Variants in GAK observed in about 807,000 individuals in gnomAD.
The protein encoded by GAK is cyclin-G-associated kinase.
GAK carries 79 observed loss-of-function variants against 143.9 expected under a neutral mutation model. That is an observed-to-expected ratio of 0.55 (90% CI 0.46 to 0.66). The LOEUF (loss-of-function observed/expected upper bound fraction) is 0.66, where lower values mean the gene tolerates loss of function less well. Among genes scored for constraint, GAK ranks in the 30% least tolerant of loss-of-function variants. The pLI, the probability that GAK is intolerant of heterozygous loss-of-function variation, is 0.00. For missense variants in GAK, 1,693 were observed against 1,779.7 expected, an observed-to-expected ratio of 0.95 and a Z score of 0.88; for synonymous variants, 881 against 765.5, an observed-to-expected ratio of 1.15 and a Z score of -2.49.
chr4:883,553 G>A, intron 12 of GAK, 90 bp from the exon 13 acceptor site: 1 of 1,462,458 alleles, frequency 6.8e-7, no homozygotes, highest in South Asian at 1.2e-5. Context: ...GACGCCCCCG[G>A]GCAAGCGCAG....
chr4:856,647 C>T (rs568701331), intron 24 of GAK, among the ~76,000 whole-genome samples: 1 of 150,420 alleles, frequency 6.6e-6, no homozygotes, highest in Non-Finnish European at 1.5e-5. Flanking sequence ...GCTGCTCACA[C>T]CTGCTCACCA....
At chr4:893,584 C>A in intron 8 of GAK, 95 bp from the exon 9 acceptor site, 1 of 841,958 alleles carries the variant, frequency 1.2e-6, no homozygotes, top group Non-Finnish European at 1.7e-6. Context: ...AGAGGCCACT[C>A]CCTCTACACA....
intron 18 of GAK, among the ~76,000 whole-genome samples, chr4:874,771 G>GT (rs1390112812): frequency 2.0e-5 from 3 of 151,996 alleles, no homozygotes; most frequent in Admixed American, 2.0e-4. Context: ...GATTTTTCAA[G>GT]TATTATTTCT....
chr4:893,351 T>A, intron 9 of GAK, 26 bp downstream of exon 9: 2 of 1,449,250 alleles, frequency 1.4e-6, no homozygotes, highest in Admixed American at 2.2e-5. Flanking sequence ...TGCGGGGGAT[T>A]TGGGGCTCAC....
intron 7 of GAK, among the ~76,000 whole-genome samples, chr4:895,910 G>A (rs986120148): frequency 2.0e-5 from 3 of 152,216 alleles, no homozygotes; most frequent in African/African-American, 7.2e-5. Flanking sequence ...GGGAGCCTCA[G>A]GCAGACCCAG....
rs142203802 is a variant in GAK, at chr4:890,731, CT to C, written c.991-110del. 2.7e-3 allele frequency: 2,208 copies of C among 832,688 alleles called. 30 individuals carry two copies. The African/African-American group carries it at 0.033, about 13-fold the overall frequency. The allele number at this position is 832,688 out of a possible 1,614,324, so 51.6% of individuals were successfully genotyped here. Reference sequence around the variant, plus strand: ...CCCTCAGAGCCCATCCTTCTGCCCCCTGATCTATGACACAGTGCAAGGGAGG... The same window carrying C: ...CCCTCAGAGCCCATCCTTCTGCCCCCGATCTATGACACAGTGCAAGGGAGG... On this transcript the variant is annotated intron_variant, in intron 9 of 27. Coordinates refer to ENST00000314167, the MANE Select transcript of GAK (RefSeq NM_005255.4).
At chr4:921,513 G>C (rs557790124) in intron 1 of GAK, among the ~76,000 whole-genome samples, 1 of 152,086 alleles carries the variant, frequency 6.6e-6, no homozygotes, top group African/African-American at 2.4e-5. Context: ...AAATAAACAC[G>C]GACATAAATC....
intron 24 of GAK, among the ~76,000 whole-genome samples, chr4:857,852 G>A (rs562786627): frequency 1.0e-3 from 152 of 152,258 alleles, no homozygotes; most frequent in Non-Finnish European, 2.0e-3. Flanking sequence ...TCAGGTTACT[G>A]CTGGGGCATT....
At chr4:859,284 A>G in intron 24 of GAK, 1 of 1,275,512 alleles carries the variant, frequency 7.8e-7, no homozygotes, top group Non-Finnish European at 1.0e-6. Context: ...AGCAGAGCCC[A>G]GCTACACCCC....
Position 901,763 on chromosome 4 carries a change from C to T in GAK, c.525+2874G>A, listed in dbSNP as rs566736665. 3.7e-4 allele frequency among the ~76,000 whole-genome samples: 56 copies of T among 152,288 alleles called. No homozygotes were observed. In the South Asian group the frequency reaches 0.01, roughly 28 times the overall value. ...CTCGTCCCCTTGGCCTGGGCAGTGG[C>T]GGGGAGCCAAGGACAGCACAGGGCA... On this transcript the variant is annotated intron_variant, in intron 5 of 27. Coordinates refer to ENST00000314167, the MANE Select transcript of GAK (RefSeq NM_005255.4).
At chr4:870,614 G>T (rs1392941806) in intron 19 of GAK, 97 bp downstream of exon 19, 2 of 1,305,052 alleles carry the variant, frequency 1.5e-6, no homozygotes. Flanking sequence ...AGCAGCAGGC[G>T]TGGGGCCCAG....
chr4:901,270 C>T (rs997457332), intron 5 of GAK, among the ~76,000 whole-genome samples: 5 of 152,324 alleles, frequency 3.3e-5, no homozygotes, highest in African/African-American at 1.2e-4. Context: ...CCAGGGCACA[C>T]AGGGAGAGCC....
At chr4:906,363 C>T (rs112823195) in intron 4 of GAK, among the ~76,000 whole-genome samples, 15 of 152,324 alleles carry the variant, frequency 9.8e-5, no homozygotes, top group African/African-American at 2.9e-4. Flanking sequence ...AGTGCCTGTG[C>T]GTGACCCACA....
intron 15 of GAK, among the ~76,000 whole-genome samples, chr4:878,751 C>G (rs1714499645): frequency 6.6e-6 from 1 of 152,244 alleles, no homozygotes; most frequent in Admixed American, 6.5e-5. Flanking sequence ...ACAGCTCTGG[C>G]TTTCCCGTGG....
In GAK at chr4:912,777, T is replaced by C. The variant is rs1177087161; in HGVS notation, c.225A>G (p.Glu75=). 1 of 1,613,592 alleles carries C rather than the reference T, an allele frequency of 6.2e-7. No individual in the cohort carries two copies. The highest frequency in any genetic ancestry group is 8.5e-7 in the Non-Finnish European group (1 of 1,179,736). ...GAATGATGGCTCTGTTCTTTTCCTC[T>C]TCATTGGATAATAGCCTCTGTATCA... ...EYALKRLLSN[E]EEKNRAIIQE... Residue 75 remains glutamate (E), a synonymous_variant, in exon 3 of 28, where the codon GAA becomes GAG. Transcript: ENST00000314167.
chr4:892,258 C>T (rs1237740273), intron 9 of GAK, among the ~76,000 whole-genome samples: 1 of 152,186 alleles, frequency 6.6e-6, no homozygotes, highest in Non-Finnish European at 1.5e-5. Context: ...GTGGAAACGA[C>T]CCAAGGGCTG....
chr4:855,928 C>G (rs1287015482), intron 24 of GAK, among the ~76,000 whole-genome samples: 1 of 152,158 alleles, frequency 6.6e-6, no homozygotes, highest in Non-Finnish European at 1.5e-5. Flanking sequence ...GCACTCCAGC[C>G]AGGGCAACAG....
intron 1 of GAK, among the ~76,000 whole-genome samples, chr4:917,390 A>G (rs183080840): frequency 4.0e-4 from 61 of 152,066 alleles, no homozygotes; most frequent in Non-Finnish European, 7.9e-4. Flanking sequence ...TCCAGAAAAC[A>G]CAAATGGATC....
intron 10 of GAK, among the ~76,000 whole-genome samples, chr4:889,272 G>A (rs1166262552): frequency 1.3e-5 from 2 of 152,240 alleles, no homozygotes; most frequent in South Asian, 2.1e-4. Flanking sequence ...GAAGGGCTAT[G>A]TGGCCGCCTC....
Sources: allele counts gnomAD v4.1 joint callset (sites outside exome capture counted in the v4.1 genomes callset), GRCh38; gene constraint gnomAD v4.1.1; transcripts MANE v1.5; gene names NCBI Gene and HGNC (gene_info 2026-07-23, HGNC 2026-07-21).